ADAM10: variants seen among roughly 807,000 people sequenced by gnomAD.
The protein encoded by ADAM10 is disintegrin and metalloproteinase domain-containing protein 10.
In ADAM10, 17 loss-of-function variants were observed where a neutral mutation model predicts 90.1. The observed-to-expected ratio is 0.19, with a 90% CI of 0.13 to 0.28. The LOEUF is 0.28. ADAM10 is among the 10% of genes least tolerant of loss of function. The pLI, the probability that ADAM10 is intolerant of heterozygous loss-of-function variation, is 1.00. For synonymous variants in ADAM10, 310 were observed against 298.6 expected, an observed-to-expected ratio of 1.04 and a Z score of -0.40; for missense variants, 610 against 914.3, an observed-to-expected ratio of 0.67 and a Z score of 4.29.
At chr15:58,683,570 T>G (rs1325471951) in intron 2 of ADAM10, among the ~76,000 whole-genome samples, 1 of 151,852 alleles carries the variant, frequency 6.6e-6, no homozygotes, top group Non-Finnish European at 1.5e-5. Context: ...TAATAAGAAA[T>G]ATAAAGTTAA....
At chr15:58,669,154 C>G (rs1222095161) in intron 4 of ADAM10, among the ~76,000 whole-genome samples, 1 of 152,092 alleles carries the variant, frequency 6.6e-6, no homozygotes, top group Non-Finnish European at 1.5e-5. Flanking sequence ...TGACATAGAA[C>G]ATGCACTCTC....
At position 58,720,399 on chromosome 15, in the gene ADAM10, A is replaced by T. The variant is rs7402537; in HGVS notation, c.56-2672T>A. Reference sequence around the variant, plus strand: ...ATTTTATTTTATTTTATTTTATTTTATTTTATTTTTTTTTTTTTTGAGACA... The same window carrying T: ...ATTTTATTTTATTTTATTTTATTTTTTTTTATTTTTTTTTTTTTTGAGACA... On this transcript the variant is annotated intron_variant, in intron 1 of 15. Transcript: ENST00000260408. Among the ~76,000 whole-genome samples the T allele has an allele frequency of 8.8e-3, 230 of 26,006 alleles. 3 individuals are homozygous for T. The highest frequency in any genetic ancestry group is 0.045 in the South Asian group (51 of 1,126). 17.1% of individuals were successfully genotyped at this position (26,006 alleles called of 152,430 possible). A position where few individuals can be genotyped will look rare whatever the true frequency, so the allele number is the denominator to read the frequency against.
chr15:58,638,308 C>CA (rs1410951668), intron 8 of ADAM10, among the ~76,000 whole-genome samples: 2 of 152,116 alleles, frequency 1.3e-5, no homozygotes, highest in Non-Finnish European at 2.9e-5. Flanking sequence ...GGTTGCCAAT[C>CA]ACCATATTTT....
chr15:58,738,066 A>G (rs775733943), intron 1 of ADAM10, among the ~76,000 whole-genome samples: 3 of 152,258 alleles, frequency 2.0e-5, no homozygotes, highest in African/African-American at 4.8e-5. Flanking sequence ...ATGAGAGGAT[A>G]TAAGAGTAAG....
In ADAM10 at chr15:58,611,831, G is replaced by A; in HGVS notation, c.1672C>T (p.His558Tyr). The A allele has an allele frequency of 6.2e-7, 1 of 1,614,144 alleles. No homozygotes were observed. Among genetic ancestry groups the A allele is most frequent in the Non-Finnish European group, 8.5e-7 (1 of 1,180,018 alleles). Residue 558 changes from histidine (H) to tyrosine (Y), a missense_variant, in exon 12 of 16, where the codon CAT becomes TAT. Around this residue, in one of 4 missense-constraint regions of ADAM10, gnomAD observed 150 missense variants for 268.5 expected, o/e 0.56. Coordinates refer to ENST00000260408, the MANE Select transcript of ADAM10 (RefSeq NM_001110.4). ...PKPNFTDCNR[H>Y]TQVCINGQCA... ...ACCCCATTAATGCACACTTGTGTAT[G>A]CCTATTACAGTCTGTGAAGTTTGGT...
chr15:58,626,459 C>T (rs55939313), intron 10 of ADAM10, among the ~76,000 whole-genome samples: 7,611 of 151,988 alleles, frequency 0.05, 644 homozygotes, highest in African/African-American at 0.17. Context: ...CAGTGTTTCC[C>T]CTAAAGAAAC....
At chr15:58,746,327 G>C (rs1899790853) in intron 1 of ADAM10, among the ~76,000 whole-genome samples, 1 of 152,112 alleles carries the variant, frequency 6.6e-6, no homozygotes, top group Non-Finnish European at 1.5e-5. Context: ...AAATTTTAAA[G>C]AGATCAGATA....
At chr15:58,710,105 C>G (rs1440044700) in intron 2 of ADAM10, among the ~76,000 whole-genome samples, 1 of 152,028 alleles carries the variant, frequency 6.6e-6, no homozygotes, top group Admixed American at 6.6e-5. Context: ...TGGTGAAACC[C>G]CATCTCTACT....
At chr15:58,675,420 G>A (rs779807927) in intron 4 of ADAM10, among the ~76,000 whole-genome samples, 23 of 152,108 alleles carry the variant, frequency 1.5e-4, no homozygotes, top group Admixed American at 5.2e-4. Context: ...GGGAATTATT[G>A]CAAGCAGTCA....
At chr15:58,704,252 A>G (rs1347283283) in intron 2 of ADAM10, 1 of 152,268 alleles carries the variant, frequency 6.6e-6, no homozygotes, top group African/African-American at 2.4e-5. Context: ...TGAGGTACCT[A>G]GAATAGCAAA....
intron 1 of ADAM10, 104 bp from the exon 2 acceptor site, chr15:58,717,831 C>A: frequency 6.8e-7 from 1 of 1,464,618 alleles, no homozygotes; most frequent in Non-Finnish European, 9.2e-7. Flanking sequence ...AACAACTTCT[C>A]CCTAATCCCA....
intron 1 of ADAM10, among the ~76,000 whole-genome samples, chr15:58,738,842 T>C (rs1038699484): frequency 2.6e-5 from 4 of 152,258 alleles, no homozygotes; most frequent in Non-Finnish European, 5.9e-5. Context: ...CTGTGGGTTA[T>C]ATTGAATCTT....
chr15:58,722,499 T>C (rs1269814122), intron 1 of ADAM10, among the ~76,000 whole-genome samples: 1 of 149,314 alleles, frequency 6.7e-6, no homozygotes, highest in Non-Finnish European at 1.5e-5. Context: ...TAACGGCCAG[T>C]GCACTCCAGC....
chr15:58,624,509 A>T (rs1895880358), intron 10 of ADAM10, among the ~76,000 whole-genome samples: 1 of 152,168 alleles, frequency 6.6e-6, no homozygotes, highest in Admixed American at 6.5e-5. Flanking sequence ...TTATTTGCTA[A>T]CAGTTTAAAC....
intron 2 of ADAM10, among the ~76,000 whole-genome samples, chr15:58,694,745 TAA>T (rs111891600): frequency 0.089 from 12,410 of 139,192 alleles, 1,682 homozygotes; most frequent in African/African-American, 0.29. Context: ...ACTCAGAAAT[TAA>T]AAAAAAAAAA....
In ADAM10 at chr15:58,612,603, C is replaced by T. The variant is rs1419969330; in HGVS notation, c.1512-612G>A. On this transcript the variant is annotated intron_variant, in intron 11 of 15. Transcript: ENST00000260408. ...CACAGACTTTGGGATACCACCAAGC[C>T]CCACCATCCCAGGGTCTAGACTCAC... Among the ~76,000 whole-genome samples the T allele has an allele frequency of 3.3e-5, 5 of 152,134 alleles. No individual in the cohort carries two copies. In the East Asian group the frequency reaches 9.6e-4, roughly 29 times the overall value.
chr15:58,635,280 AAAAAAAAAAAAAAG>A (rs1199807954), intron 8 of ADAM10, among the ~76,000 whole-genome samples: 1 of 148,146 alleles, frequency 6.8e-6, no homozygotes, highest in African/African-American at 2.5e-5. Context: ...GTCTCAAAAA[AAAAAAAAAAAAAAG>A]AAAGAAAGAA....
rs1894845237 is a variant in ADAM10 at position 58,592,568 on chromosome 15, A to C, written c.*4979T>G. On this transcript the variant is annotated 3_prime_UTR_variant, in exon 16 of 16. Transcript: ENST00000260408. ...CAGGTGGAATTAGTGATTTATCCAAAGGAGTCTGGTTCCCTTGAAGAAAAA... is the reference window on the plus strand; with the variant it reads ...CAGGTGGAATTAGTGATTTATCCAACGGAGTCTGGTTCCCTTGAAGAAAAA... 6.6e-6 allele frequency: 1 copy of C among 152,146 alleles called. No individual in the cohort carries two copies. Among genetic ancestry groups the C allele is most frequent in the Admixed American group, 6.5e-5 (1 of 15,274 alleles). The allele number at this position is 152,146 out of a possible 1,614,324, so 9.4% of individuals were successfully genotyped here. A position where few individuals can be genotyped will look rare whatever the true frequency, so the allele number is the denominator to read the frequency against.
rs145956546 is a variant in ADAM10 at position 58,727,708 on chromosome 15, C to T, written c.56-9981G>A. ...TAAAGATGAGTTAAAGTAAAAAGGA[C>T]GGGAAAATATATAACATCCAAACCC... On this transcript the variant is annotated intron_variant, in intron 1 of 15. Coordinates refer to ENST00000260408, the MANE Select transcript of ADAM10 (RefSeq NM_001110.4). Among the ~76,000 whole-genome samples the T allele has an allele frequency of 4.8e-3, 730 of 152,002 alleles. 5 individuals are homozygous for T. The highest frequency in any genetic ancestry group is 0.017 in the African/African-American group (700 of 41,452).
Sources: gnomAD v4.1 joint callset for allele counts (sites outside exome capture counted in the v4.1 genomes callset) on GRCh38, gnomAD v4.1.1 for gene constraint, gnomAD v4.1.1 regional missense constraint, MANE v1.5 for transcripts, NCBI Gene and HGNC (gene_info 2026-07-23, HGNC 2026-07-21) for gene names.